Variants in ATP9A observed in about 807,000 individuals in gnomAD.
ATP9A encodes probable phospholipid-transporting ATPase IIA.
A neutral mutation model predicts 144.1 loss-of-function variants in ATP9A; 52 were observed. The observed-to-expected ratio is 0.36, with a 90% CI of 0.29 to 0.45. The LOEUF (loss-of-function observed/expected upper bound fraction) is 0.45. Ranked by LOEUF, ATP9A falls within the 20% of genes least tolerant of loss-of-function variation. The probability of loss-of-function intolerance (pLI) is 1.00; values close to 1 mark genes in which losing one functional copy is unlikely to be tolerated. For missense variants in ATP9A, 947 were observed against 1,392.7 expected, an observed-to-expected ratio of 0.68 and a Z score of 5.09; for synonymous variants, 582 against 557.4, an observed-to-expected ratio of 1.04 and a Z score of -0.62.
At chr20:51,679,001 C>A (rs2077488989) in intron 9 of ATP9A, among the ~76,000 whole-genome samples, 1 of 152,028 alleles carries the variant, frequency 6.6e-6, no homozygotes, top group African/African-American at 2.4e-5. Context: ...TAACTGGCCA[C>A]TTTTAAATTC....
intron 4 of ATP9A, among the ~76,000 whole-genome samples, chr20:51,703,003 T>TG (rs3030161): frequency 6.7e-6 from 1 of 148,338 alleles, no homozygotes; most frequent in Non-Finnish European, 1.5e-5. Flanking sequence ...TTGTTGTTGT[T>TG]TTGTTTTGGT....
At chr20:51,610,926 C>T (rs1224226937) in intron 23 of ATP9A, among the ~76,000 whole-genome samples, 1 of 152,170 alleles carries the variant, frequency 6.6e-6, no homozygotes, top group Non-Finnish European at 1.5e-5. Flanking sequence ...GAAATGTCTG[C>T]TTCCTGCTTT....
At chr20:51,702,052 C>T (rs1203986232) in intron 4 of ATP9A, among the ~76,000 whole-genome samples, 3 of 152,094 alleles carry the variant, frequency 2.0e-5, no homozygotes, top group Non-Finnish European at 4.4e-5. Flanking sequence ...GTAATCCCAG[C>T]ACTTTGGGAG....
chr20:51,634,117 G>A (rs1297364643), intron 15 of ATP9A, among the ~76,000 whole-genome samples: 9 of 152,064 alleles, frequency 5.9e-5, no homozygotes, highest in South Asian at 2.1e-4. Context: ...GAAGACACAC[G>A]AGCCACATCT....
At chr20:51,764,629 G>A (rs557001101) in intron 1 of ATP9A, among the ~76,000 whole-genome samples, 3 of 152,262 alleles carry the variant, frequency 2.0e-5, no homozygotes, top group African/African-American at 7.2e-5. Flanking sequence ...TAGGTGAAAT[G>A]GGTGGATCCG....
intron 14 of ATP9A, among the ~76,000 whole-genome samples, chr20:51,653,037 G>A (rs2077373416): frequency 6.6e-6 from 1 of 151,146 alleles, no homozygotes; most frequent in Non-Finnish European, 1.5e-5. Context: ...GTGAACCCGG[G>A]AGGCAGAGCT....
Position 51,676,224 on chromosome 20 carries a change from G to GAAAAAAAAAA in ATP9A, c.800-26_800-17dup. On this transcript the variant is annotated splice_polypyrimidine_tract_variant and intron_variant, in intron 9 of 27. Transcript: ENST00000338821. ...ACAACAGTACCTAAAATGGAAAAAA[G>GAAAAAAAAAA]AAAAAAAAAAAAAGAAAAGAAATAT... 4 of 1,223,388 alleles carry GAAAAAAAAAA rather than the reference G, an allele frequency of 3.3e-6. No individual in the cohort carries two copies. The highest frequency in any genetic ancestry group is 2.9e-5 in the South Asian group (2 of 69,412). The allele number at this position is 1,223,388 out of a possible 1,614,324, so 75.8% of individuals were successfully genotyped here.
chr20:51,641,390 G>A (rs6063686), intron 14 of ATP9A, among the ~76,000 whole-genome samples: 37,536 of 151,602 alleles, frequency 0.25, 4,923 homozygotes, highest in Non-Finnish European at 0.28. Context: ...GTGGGGTGGT[G>A]CATGTGTGTC....
At chr20:51,735,788 C>T (rs1277371345) in intron 1 of ATP9A, among the ~76,000 whole-genome samples, 5 of 152,212 alleles carry the variant, frequency 3.3e-5, no homozygotes, top group African/African-American at 1.2e-4. Flanking sequence ...AGATACTGAA[C>T]ACTTAGTAAC....
chr20:51,619,140 A>C (rs1601060295), intron 19 of ATP9A, 97 bp from the exon 20 acceptor site: 2 of 1,046,310 alleles, frequency 1.9e-6, no homozygotes. Flanking sequence ...GACAACGGCC[A>C]CCCCAGCCAA....
intron 1 of ATP9A, among the ~76,000 whole-genome samples, chr20:51,733,950 A>C (rs1185908515): frequency 1.3e-5 from 2 of 151,604 alleles, no homozygotes; most frequent in Non-Finnish European, 2.9e-5. Context: ...GTGGGGTTAC[A>C]AGTTGTGCCA....
chr20:51,611,347 G>A lies in ATP9A; in HGVS notation c.2572-1182C>T, dbSNP rs1408186324. On this transcript the variant is annotated intron_variant, in intron 23 of 27. Coordinates refer to ENST00000338821, the MANE Select transcript of ATP9A (RefSeq NM_006045.3). The surrounding 1 kb of genome is among the most constrained non-coding windows in gnomAD (Gnocchi z 4.2). ...ACTTTTCCAGTGACTTTTCACCCAG[G>A]CTGTGCCGCTGCTTAGGAAGGATGG... Among the ~76,000 whole-genome samples the A allele has an allele frequency of 6.6e-6, 1 of 152,194 alleles. No homozygotes were observed. Among genetic ancestry groups the A allele is most frequent in the Non-Finnish European group, 1.5e-5 (1 of 68,028 alleles).
chr20:51,756,927 A>T (rs372143926), intron 1 of ATP9A, among the ~76,000 whole-genome samples: 2 of 151,294 alleles, frequency 1.3e-5, no homozygotes, highest in African/African-American at 2.4e-5. Context: ...TTTTTTTTTT[A>T]AAAAGACAGG....
chr20:51,638,424 C>T (rs1480895816), intron 15 of ATP9A, among the ~76,000 whole-genome samples: 1 of 151,882 alleles, frequency 6.6e-6, no homozygotes, highest in Non-Finnish European at 1.5e-5. Flanking sequence ...AGGTGTGGGA[C>T]TGAACCAAGG....
chr20:51,605,957 A>G (rs1404127146), intron 26 of ATP9A, among the ~76,000 whole-genome samples: 1 of 151,730 alleles, frequency 6.6e-6, no homozygotes, highest in Non-Finnish European at 1.5e-5. Context: ...CATGAACAGT[A>G]AATTTATTTT....
chr20:51,610,176 G>A lies in ATP9A; in HGVS notation c.2572-11C>T. On this transcript the variant is annotated splice_polypyrimidine_tract_variant and intron_variant, in intron 23 of 27. Coordinates refer to ENST00000338821, the MANE Select transcript of ATP9A (RefSeq NM_006045.3). Reference sequence around the variant, plus strand: ...GGAGGAAAAGACAGCCTGTGCCAAGGAGAGAGGAGGATGTCACCAAAAGTC... The same window carrying A: ...GGAGGAAAAGACAGCCTGTGCCAAGAAGAGAGGAGGATGTCACCAAAAGTC... 1 of 1,599,630 alleles carries A rather than the reference G, an allele frequency of 6.3e-7. No homozygotes were observed. Among genetic ancestry groups the A allele is most frequent in the South Asian group, 1.1e-5 (1 of 90,794 alleles).
At position 51,608,641 on chromosome 20, in the gene ATP9A, C is replaced by T. The variant is rs766005872; in HGVS notation, c.2637-15G>A. 1.2e-5 allele frequency: 18 copies of T among 1,541,894 alleles called. No individual in the cohort carries two copies. Among genetic ancestry groups the T allele is most frequent in the African/African-American group, 6.8e-5 (5 of 73,294 alleles). On this transcript the variant is annotated splice_polypyrimidine_tract_variant and intron_variant, in intron 24 of 27. Coordinates refer to ENST00000338821, the MANE Select transcript of ATP9A (RefSeq NM_006045.3). ...TTGTGGAGTACCTGGGAGAGAAAAC[C>T]GCCATAGGTAAGACCTGGCTGACGC... is the stretch of plus-strand genomic sequence containing the variant.
At chr20:51,756,116 T>C (rs147678252) in intron 1 of ATP9A, among the ~76,000 whole-genome samples, 41 of 152,278 alleles carry the variant, frequency 2.7e-4, no homozygotes, top group African/African-American at 8.7e-4. Context: ...ATAGACTGGA[T>C]GGCTTAAACA....
chr20:51,629,981 G>A (rs1467162282), intron 15 of ATP9A, among the ~76,000 whole-genome samples: 1 of 152,222 alleles, frequency 6.6e-6, no homozygotes, highest in African/African-American at 2.4e-5. Flanking sequence ...AGAGAACAAG[G>A]CTCAGCCCAG....
Sources: gnomAD v4.1 joint callset for allele counts (sites outside exome capture counted in the v4.1 genomes callset) on GRCh38, gnomAD v4.1.1 for gene constraint, Gnocchi (gnomAD v3.1) non-coding constraint, MANE v1.5 for transcripts, NCBI Gene and HGNC (gene_info 2026-07-23, HGNC 2026-07-21) for gene names.